Variants in SPAG16 observed in about 807,000 individuals in gnomAD.
The protein encoded by SPAG16 is sperm associated antigen 16, also known as sperm-associated antigen 16 protein.
In SPAG16, 86 loss-of-function variants were observed where a neutral mutation model predicts 80.4. That is an observed-to-expected ratio of 1.07 (90% confidence interval 0.90 to 1.28). SPAG16 has a LOEUF of 1.28. SPAG16 is among the 50% of genes most tolerant of loss of function. SPAG16 has a pLI of 0.00. For missense variants in SPAG16, 870 were observed against 765.3 expected (o/e 1.14, Z -1.61); for synonymous variants, 294 against 265.9 (o/e 1.11, Z -1.03).
At chr2:213,710,356 T>C (rs1456527576) in intron 10 of SPAG16, among the ~76,000 whole-genome samples, 1 of 152,060 alleles carries the variant, frequency 6.6e-6, no homozygotes, top group Non-Finnish European at 1.5e-5. Context: ...ATGTAATTCA[T>C]AAACAATTAC....
At chr2:213,738,074 A>G (rs2067375889) in intron 10 of SPAG16, among the ~76,000 whole-genome samples, 1 of 152,184 alleles carries the variant, frequency 6.6e-6, no homozygotes, top group Non-Finnish European at 1.5e-5. Flanking sequence ...CATTCAAATA[A>G]TATCCTGGTT....
chr2:213,585,041 T>G (rs1297598290), intron 10 of SPAG16, among the ~76,000 whole-genome samples: 1 of 151,620 alleles, frequency 6.6e-6, no homozygotes, highest in Admixed American at 6.6e-5. Flanking sequence ...ATACAAAAGT[T>G]AGCCAGGCAT....
intron 15 of SPAG16, among the ~76,000 whole-genome samples, chr2:214,314,857 C>G (rs1199497360): frequency 6.6e-6 from 1 of 151,548 alleles, no homozygotes; most frequent in Non-Finnish European, 1.5e-5. Flanking sequence ...GTAACTCATG[C>G]ATGAGGAAAG....
intron 10 of SPAG16, among the ~76,000 whole-genome samples, chr2:213,601,318 G>A (rs141217901): frequency 1.6e-3 from 247 of 152,270 alleles, no homozygotes; most frequent in Non-Finnish European, 2.1e-3. Context: ...AAGAGATGGA[G>A]GGGAGAGAGA....
At chr2:214,278,273 G>A (rs10207263) in intron 15 of SPAG16, among the ~76,000 whole-genome samples, 90,923 of 152,012 alleles carry the variant, frequency 0.6, 27,723 homozygotes, top group South Asian at 0.7. Context: ...GGCACTTCCC[G>A]GGTGAGGTGA....
intron 12 of SPAG16, among the ~76,000 whole-genome samples, chr2:213,981,941 T>C (rs1429509522): frequency 1.3e-5 from 2 of 150,062 alleles, no homozygotes; most frequent in Non-Finnish European, 2.9e-5. Context: ...TCAAAAACAC[T>C]ATACCTTTTT....
intron 10 of SPAG16, among the ~76,000 whole-genome samples, chr2:213,517,378 T>C (rs1235388700): frequency 6.6e-6 from 1 of 152,168 alleles, no homozygotes; most frequent in Non-Finnish European, 1.5e-5. Flanking sequence ...AAAATGACCA[T>C]ACTGCCCAAA....
intron 9 of SPAG16, among the ~76,000 whole-genome samples, chr2:213,429,370 C>T (rs574470316): frequency 6.6e-6 from 1 of 152,210 alleles, no homozygotes; most frequent in East Asian, 1.9e-4. Context: ...CACCACCTTC[C>T]CACAATGCTG....
intron 9 of SPAG16, among the ~76,000 whole-genome samples, chr2:213,407,681 G>T (rs12992569): frequency 6.9e-6 from 1 of 145,674 alleles, no homozygotes; most frequent in Admixed American, 6.9e-5. Flanking sequence ...AGACAGAGAG[G>T]AGAGAGACAG....
At chr2:214,247,774 G>C (rs182924025) in intron 15 of SPAG16, among the ~76,000 whole-genome samples, 38 of 152,218 alleles carry the variant, frequency 2.5e-4, no homozygotes, top group African/African-American at 8.9e-4. Flanking sequence ...GCTCATGCCT[G>C]TAATCCCAGC....
intron 10 of SPAG16, among the ~76,000 whole-genome samples, chr2:213,540,702 G>A (rs556669369): frequency 6.6e-6 from 1 of 152,150 alleles, no homozygotes; most frequent in African/African-American, 2.4e-5. Context: ...TCACAATTTG[G>A]AGAAGTTGGA....
intron 8 of SPAG16, among the ~76,000 whole-genome samples, chr2:213,371,806 A>G (rs1478288052): frequency 1.3e-5 from 2 of 152,206 alleles, no homozygotes; most frequent in Non-Finnish European, 2.9e-5. Context: ...TGACTACCAA[A>G]GTGACGTTTA....
intron 10 of SPAG16, among the ~76,000 whole-genome samples, chr2:213,581,357 C>T (rs992240299): frequency 6.6e-6 from 1 of 151,962 alleles, no homozygotes; most frequent in South Asian, 2.1e-4. Flanking sequence ...GCTGGAACCA[C>T]AGTTATGTAC....
chr2:213,912,047 G>C (rs1261957987), intron 11 of SPAG16, among the ~76,000 whole-genome samples: 1 of 151,992 alleles, frequency 6.6e-6, no homozygotes, highest in Non-Finnish European at 1.5e-5. Context: ...ATTTAGCTAG[G>C]TTATTCTGTA....
At chr2:214,080,348 C>T (rs1047122088) in intron 13 of SPAG16, among the ~76,000 whole-genome samples, 2 of 151,930 alleles carry the variant, frequency 1.3e-5, no homozygotes, top group African/African-American at 2.4e-5. Context: ...CCTGTAATCC[C>T]AGCACTTTGG....
intron 10 of SPAG16, among the ~76,000 whole-genome samples, chr2:213,684,641 C>T (rs1286134862): frequency 6.6e-6 from 1 of 152,014 alleles, no homozygotes; most frequent in Non-Finnish European, 1.5e-5. Context: ...ATTACCAGAC[C>T]CTCATGACTT....
intron 10 of SPAG16, among the ~76,000 whole-genome samples, chr2:213,806,522 T>C (rs895879713): frequency 5.3e-5 from 8 of 152,156 alleles, no homozygotes; most frequent in African/African-American, 1.9e-4. Flanking sequence ...CCCCTGAGAA[T>C]AGTATTTTTC....
intron 1 of SPAG16, among the ~76,000 whole-genome samples, chr2:213,285,199 CT>C (rs1026567171): frequency 6.6e-6 from 1 of 151,958 alleles, no homozygotes; most frequent in African/African-American, 2.4e-5. Flanking sequence ...AGTATAGTTG[CT>C]TTTTTTTCTT....
intron 13 of SPAG16, among the ~76,000 whole-genome samples, chr2:214,046,443 A>T (rs1267148429): frequency 6.6e-6 from 1 of 152,186 alleles, no homozygotes; most frequent in African/African-American, 2.4e-5. Context: ...TTGATACAAA[A>T]ATCCTCAACC....
Sources: allele counts gnomAD v4.1 joint callset (sites outside exome capture counted in the v4.1 genomes callset), GRCh38; gene constraint gnomAD v4.1.1; transcripts MANE v1.5; gene names NCBI Gene and HGNC (gene_info 2026-07-23, HGNC 2026-07-21).